Variants in TENM1 observed in about 807,000 individuals in gnomAD.
TENM1 encodes the protein teneurin transmembrane protein 1, also known as teneurin-1.
A neutral mutation model predicts 174.8 loss-of-function variants in TENM1; 35 were observed. That is an observed-to-expected ratio of 0.20 (90% CI 0.15 to 0.27). TENM1 has a LOEUF of 0.27. TENM1 is among the 10% of genes least tolerant of loss of function. TENM1 has a pLI of 1.00. For synonymous variants in TENM1, 781 were observed against 798.7 expected, an observed-to-expected ratio of 0.98 and a Z score of 0.37; for missense variants, 1,633 against 2,130.1, an observed-to-expected ratio of 0.77 and a Z score of 4.59.
chrX:125,178,126 G>A, the TENM1 span, among the ~76,000 whole-genome samples: 2 of 111,315 alleles, frequency 1.8e-5, no homozygotes, highest in African/African-American at 6.5e-5. Flanking sequence ...AAAGGAGAAT[G>A]AATGATACAG....
intron 20 of TENM1, among the ~76,000 whole-genome samples, chrX:124,495,293 TG>T (rs1371937209): frequency 9.2e-6 from 1 of 109,111 alleles, no homozygotes; most frequent in Non-Finnish European, 1.9e-5. Context: ...ATGTGTTTTT[TG>T]GCTGCATAAA....
intron 3 of TENM1, among the ~76,000 whole-genome samples, chrX:124,887,026 T>G (rs2147539614): frequency 9.0e-6 from 1 of 111,068 alleles, no homozygotes; most frequent in African/African-American, 3.3e-5. Context: ...CTTTAGTAGG[T>G]AAATAAATTG....
intron 20 of TENM1, among the ~76,000 whole-genome samples, chrX:124,493,064 G>A (rs866043044): frequency 3.6e-5 from 4 of 111,384 alleles, no homozygotes; most frequent in Middle Eastern, 9.1e-3. Flanking sequence ...TTCAAAGTGT[G>A]TGCATGCCTA....
the TENM1 span, among the ~76,000 whole-genome samples, chrX:125,190,404 T>C: frequency 8.9e-6 from 1 of 112,535 alleles, no homozygotes; most frequent in Non-Finnish European, 1.9e-5. Context: ...ACTTCTGTTT[T>C]ACATGAAGCA....
At chrX:124,765,412 C>T (rs1432879029) in intron 3 of TENM1, among the ~76,000 whole-genome samples, 2 of 111,682 alleles carry the variant, frequency 1.8e-5, no homozygotes, top group African/African-American at 6.5e-5. Context: ...GGTAATGACT[C>T]TCATAGCACC....
the TENM1 span, among the ~76,000 whole-genome samples, chrX:125,136,056 T>C: frequency 1.8e-5 from 2 of 112,015 alleles, no homozygotes; most frequent in African/African-American, 6.5e-5. Context: ...TTTATTATTT[T>C]TTTCTAATGC....
intron 11 of TENM1, among the ~76,000 whole-genome samples, chrX:124,607,311 G>T (rs1370364951): frequency 9.0e-6 from 1 of 110,605 alleles, no homozygotes; most frequent in Non-Finnish European, 1.9e-5. Flanking sequence ...ATTAAAGTAG[G>T]GTGAGAGGGA....
intron 11 of TENM1, among the ~76,000 whole-genome samples, chrX:124,611,096 G>A (rs2050268292): frequency 9.0e-6 from 1 of 111,591 alleles, no homozygotes; most frequent in Non-Finnish European, 1.9e-5. Context: ...ATAGTGGGTG[G>A]AAACAACAGA....
intron 4 of TENM1, among the ~76,000 whole-genome samples, chrX:124,724,873 G>A (rs1037341950): frequency 9.0e-5 from 10 of 111,579 alleles, no homozygotes; most frequent in Non-Finnish European, 5.6e-5. Flanking sequence ...GGGTGATTAG[G>A]CCATGAGGGT....
chrX:124,488,041 G>C (rs1032864589), intron 20 of TENM1, among the ~76,000 whole-genome samples: 1 of 111,904 alleles, frequency 8.9e-6, no homozygotes, highest in Non-Finnish European at 1.9e-5. Flanking sequence ...AGGGCAACTG[G>C]GGTAGGCACT....
chrX:124,624,325 C>A (rs1226187004), intron 11 of TENM1, among the ~76,000 whole-genome samples: 2 of 111,652 alleles, frequency 1.8e-5, no homozygotes, highest in African/African-American at 3.3e-5. Flanking sequence ...CTCTGCCCCT[C>A]AATTGTCTTC....
In TENM1 at chrX:124,712,254, C is replaced by T. The variant is rs776998163; in HGVS notation, c.777-7003G>A. Among the ~76,000 whole-genome samples the T allele has an allele frequency of 3.7e-4, 41 of 111,211 alleles. 2 individuals are homozygous for T. Among genetic ancestry groups the T allele is most frequent in the Non-Finnish European group, 6.0e-4 (32 of 53,023 alleles). On this transcript the variant is annotated intron_variant, in intron 4 of 31. Transcript: ENST00000422452. ...ATACAGTAGTTCTATTTTTACTTTT[C>T]GGAGGAACTTCCATACCGTTTTCCA... is the stretch of plus-strand genomic sequence containing the variant.
intron 3 of TENM1, among the ~76,000 whole-genome samples, chrX:124,753,992 T>C (rs1281195514): frequency 8.9e-6 from 1 of 111,958 alleles, no homozygotes; most frequent in South Asian, 3.8e-4. Flanking sequence ...ATCAGGATGA[T>C]ACTGGCCTCA....
At chrX:125,185,956 A>C in the TENM1 span, among the ~76,000 whole-genome samples, 1 of 111,778 alleles carries the variant, frequency 8.9e-6, no homozygotes, top group Admixed American at 9.5e-5. Flanking sequence ...TTAATTATAG[A>C]AGAGTATACC....
At chrX:124,920,638 C>T (rs1050138510) in intron 1 of TENM1, among the ~76,000 whole-genome samples, 1 of 111,271 alleles carries the variant, frequency 9.0e-6, no homozygotes, top group Non-Finnish European at 1.9e-5. Flanking sequence ...TTCCAGCTTC[C>T]TCATACCCTT....
the TENM1 span, among the ~76,000 whole-genome samples, chrX:125,052,361 G>T: frequency 8.9e-6 from 1 of 111,901 alleles, no homozygotes; most frequent in African/African-American, 3.2e-5. Context: ...GTTGTTTCTT[G>T]CATTGCCAGA....
At chrX:124,410,261 A>C (rs1347033559) in intron 25 of TENM1, among the ~76,000 whole-genome samples, 5 of 112,020 alleles carry the variant, frequency 4.5e-5, no homozygotes, top group Non-Finnish European at 7.5e-5. Flanking sequence ...CAAAAACAAG[A>C]AATGGGGAAA....
intron 11 of TENM1, among the ~76,000 whole-genome samples, chrX:124,602,783 T>C (rs1454634092): frequency 9.0e-6 from 1 of 111,408 alleles, no homozygotes; most frequent in Non-Finnish European, 1.9e-5. Context: ...ACCTAAAAGA[T>C]GATGAAGCCA....
intron 15 of TENM1, among the ~76,000 whole-genome samples, chrX:124,530,241 A>G (rs1435441227): frequency 9.1e-6 from 1 of 110,396 alleles, no homozygotes; most frequent in African/African-American, 3.3e-5. Flanking sequence ...TGTATTTAGA[A>G]ATTCCTTAAT....
Sources: gnomAD v4.1 joint callset for allele counts (sites outside exome capture counted in the v4.1 genomes callset) on GRCh38, gnomAD v4.1.1 for gene constraint, MANE v1.5 for transcripts, NCBI Gene and HGNC (gene_info 2026-07-23, HGNC 2026-07-21) for gene names.